TBC1D30: variants seen among roughly 807,000 people sequenced by gnomAD.
TBC1D30 encodes the protein TBC1 domain family, member 30.
In TBC1D30, 31 loss-of-function variants were observed where a neutral mutation model predicts 63.2. The observed-to-expected ratio is 0.49, with a 90% confidence interval of 0.37 to 0.66. The LOEUF is 0.66. Among genes scored for constraint, TBC1D30 ranks in the 30% least tolerant of loss-of-function variants. The probability of loss-of-function intolerance (pLI) is 0.00; values close to 1 mark genes in which losing one functional copy is unlikely to be tolerated. For missense variants in TBC1D30, 810 were observed against 953.6 expected (o/e 0.85, Z 1.98); for synonymous variants, 307 against 361.5 (o/e 0.85, Z 1.71).
At chr12:64,864,278 C>T (rs1043313977) in intron 8 of TBC1D30, among the ~76,000 whole-genome samples, 1 of 152,202 alleles carries the variant, frequency 6.6e-6, no homozygotes, top group African/African-American at 2.4e-5. Context: ...TAAAAATCAT[C>T]TAACAGAGCT....
intron 1 of TBC1D30, among the ~76,000 whole-genome samples, chr12:64,826,583 G>C (rs1874373935): frequency 6.6e-6 from 1 of 152,048 alleles, no homozygotes; most frequent in African/African-American, 2.4e-5. Context: ...ACACTCCCGT[G>C]GCCGTTGTTA....
chr12:64,830,321 A>G, intron 3 of TBC1D30, 56 bp from the exon 4 acceptor site: 2 of 1,458,276 alleles, frequency 1.4e-6, no homozygotes, highest in Non-Finnish European at 1.8e-6. Flanking sequence ...CTTTCTAATA[A>G]AGGTGAAGTT....
Position 64,759,540 on chromosome 12 carries a change from GGGGCGGAGAACCGGAGAAAA to G in TBC1D30, c.-430_-411del, listed in dbSNP as rs1275976175. The G allele has an allele frequency of 0.05, 23,013 of 457,844 alleles. 2,078 individuals are homozygous for G. The highest frequency in any genetic ancestry group is 0.13 in the East Asian group (3,372 of 25,912). The allele number at this position is 457,844 out of a possible 1,614,324, so 28.4% of individuals were successfully genotyped here. ...GGAGGCATCAGGCAGTGGCGGAAAA[GGGGCGGAGAACCGGAGAAAA>G]GGGCGGAGAACCGGAGAAAAGGGCG... On this transcript the variant is annotated 5_prime_UTR_variant, in exon 1 of 14. Transcript: ENST00000674237.
intron 9 of TBC1D30, among the ~76,000 whole-genome samples, chr12:64,866,521 T>A (rs929736172): frequency 6.6e-5 from 10 of 152,038 alleles, no homozygotes; most frequent in African/African-American, 2.4e-4. Flanking sequence ...CACTGCAACC[T>A]CCGCCTCCCG....
chr12:64,771,442 A>C (rs1244919401), intron 1 of TBC1D30, among the ~76,000 whole-genome samples: 1 of 152,082 alleles, frequency 6.6e-6, no homozygotes, highest in African/African-American at 2.4e-5. Context: ...CCAAGTCATT[A>C]AGTTGGTCAG....
Position 64,772,131 on chromosome 12 carries a change from C to T in TBC1D30, c.-376+12482C>T, listed in dbSNP as rs145467770. ...TTAGCTGGGCGTGGTGGCACATGCC[C>T]GAGGCTGAGGCAGGAGAATCGCTTG... On this transcript the variant is annotated intron_variant, in intron 1 of 13. Transcript: ENST00000674237. 7.8e-3 allele frequency among the ~76,000 whole-genome samples: 1,165 copies of T among 149,696 alleles called. 17 individuals carry two copies. The highest frequency in any genetic ancestry group is 0.027 in the African/African-American group (1,082 of 40,760).
intron 2 of TBC1D30, among the ~76,000 whole-genome samples, chr12:64,817,284 C>T (rs966030644): frequency 2.0e-5 from 3 of 152,168 alleles, no homozygotes; most frequent in Non-Finnish European, 2.9e-5. Flanking sequence ...CAGTATTGAG[C>T]GCCTGCTTTA....
At chr12:64,830,717 A>G (rs1874779817) in intron 4 of TBC1D30, among the ~76,000 whole-genome samples, 1 of 152,196 alleles carries the variant, frequency 6.6e-6, no homozygotes, top group Non-Finnish European at 1.5e-5. Flanking sequence ...AATATTTGCA[A>G]ATGAGCTTTC....
At chr12:64,811,005 A>G (rs1873184751) in intron 2 of TBC1D30, among the ~76,000 whole-genome samples, 1 of 152,238 alleles carries the variant, frequency 6.6e-6, no homozygotes, top group Non-Finnish European at 1.5e-5. Context: ...CCTGGATGGC[A>G]TCAGGCAGGA....
intron 2 of TBC1D30, among the ~76,000 whole-genome samples, chr12:64,797,760 C>T (rs1392674319): frequency 6.6e-6 from 1 of 152,172 alleles, no homozygotes; most frequent in African/African-American, 2.4e-5. Context: ...CTCATACTCC[C>T]ACCTGTATAG....
At chr12:64,776,989 C>CA (rs1254783327), upstream of TBC1D30, among the ~76,000 whole-genome samples, 1 of 152,174 alleles carries the variant, frequency 6.6e-6, no homozygotes, top group African/African-American at 2.4e-5. Flanking sequence ...ATCACATAAA[C>CA]AGAACTAAAG....
At chr12:64,847,203 C>T (rs1472113561) in intron 8 of TBC1D30, among the ~76,000 whole-genome samples, 2 of 150,618 alleles carry the variant, frequency 1.3e-5, no homozygotes, top group East Asian at 1.9e-4. Flanking sequence ...ACTAATGATC[C>T]TTTGATTTTC....
At chr12:64,854,956 A>G (rs1877176102) in intron 8 of TBC1D30, among the ~76,000 whole-genome samples, 1 of 151,616 alleles carries the variant, frequency 6.6e-6, no homozygotes, top group Admixed American at 6.6e-5. Flanking sequence ...AGATTGAAGA[A>G]CTCTCTTTAG....
chr12:64,848,314 G>A (rs1011771955), intron 8 of TBC1D30, among the ~76,000 whole-genome samples: 2 of 150,828 alleles, frequency 1.3e-5, no homozygotes, highest in African/African-American at 2.4e-5. Flanking sequence ...TGGGATACAC[G>A]TGCAGAATGT....
chr12:64,824,650 C>A lies in TBC1D30; in HGVS notation c.-230C>A. The A allele has an allele frequency of 2.1e-6, 1 of 485,144 alleles. No individual in the cohort carries two copies. The highest frequency in any genetic ancestry group is 3.5e-6 in the Non-Finnish European group (1 of 283,608). 30.1% of individuals were successfully genotyped at this position (485,144 alleles called of 1,614,324 possible). A position where few individuals can be genotyped will look rare whatever the true frequency, so the allele number is the denominator to read the frequency against. On this transcript the variant is annotated 5_prime_UTR_variant, in exon 1 of 12. Transcript: ENST00000539867. ...GCCTCGAGCGATCTCCTGCCTCAGC[C>A]TTGCAGGCTCCGCACTGCAGATGCC...
chr12:64,853,911 C>T (rs10047572), intron 8 of TBC1D30, among the ~76,000 whole-genome samples: 6,504 of 152,262 alleles, frequency 0.043, 454 homozygotes, highest in African/African-American at 0.15. Context: ...TTGCTGGGAG[C>T]TGCAGACTGG....
rs539578352 is a variant in TBC1D30, at chr12:64,874,307, C to T, written c.1499-694C>T. 1.8e-4 allele frequency among the ~76,000 whole-genome samples: 28 copies of T among 152,254 alleles called. 1 individual carries two copies. The highest frequency in any genetic ancestry group is 6.7e-4 in the African/African-American group (28 of 41,560). On this transcript the variant is annotated intron_variant, in intron 11 of 11. Transcript: ENST00000539867. ...TTCACCATGTTGGCCAGGCTGGTCT[C>T]GAACTCCTGGCCTCAAGTGATCCTC...
chr12:64,867,492 T>C (rs1878322523), intron 10 of TBC1D30, among the ~76,000 whole-genome samples: 1 of 152,052 alleles, frequency 6.6e-6, no homozygotes, highest in Non-Finnish European at 1.5e-5. Flanking sequence ...TAAAAGTATC[T>C]TCTCTGTTAC....
chr12:64,831,567 T>C (rs924381260), intron 4 of TBC1D30, among the ~76,000 whole-genome samples: 8 of 152,222 alleles, frequency 5.3e-5, no homozygotes, highest in Non-Finnish European at 1.0e-4. Flanking sequence ...AGATATTGCC[T>C]TCATTAAAGC....
Sources: gnomAD v4.1 joint callset for allele counts (sites outside exome capture counted in the v4.1 genomes callset) on GRCh38, gnomAD v4.1.1 for gene constraint, MANE v1.5 for transcripts, NCBI Gene and HGNC (gene_info 2026-07-23, HGNC 2026-07-21) for gene names.